Variants in PDE11A observed in about 807,000 individuals in gnomAD.
The protein encoded by PDE11A is phosphodiesterase 11A.
PDE11A carries 100 observed loss-of-function variants against 100.5 expected under a neutral mutation model. The ratio of observed to expected loss-of-function variants is 1.00; its 90% CI spans 0.85 to 1.18. The LOEUF is 1.18. Ranked by LOEUF, PDE11A falls within the 50% of genes most tolerant of loss-of-function variation. The probability of loss-of-function intolerance (pLI) is 0.00; values close to 1 mark genes in which losing one functional copy is unlikely to be tolerated. For missense variants in PDE11A, 1,141 were observed against 1,152.6 expected, an observed-to-expected ratio of 0.99 and a Z score of 0.15; for synonymous variants, 381 against 420.8, an observed-to-expected ratio of 0.91 and a Z score of 1.16.
At chr2:177,842,873 T>G (rs894435692) in intron 5 of PDE11A, among the ~76,000 whole-genome samples, 2 of 152,182 alleles carry the variant, frequency 1.3e-5, no homozygotes, top group Non-Finnish European at 2.9e-5. Flanking sequence ...GACATGTTCA[T>G]TTTTGAAAGT....
chr2:178,057,716 C>A (rs967344550), intron 1 of PDE11A, among the ~76,000 whole-genome samples: 24 of 152,150 alleles, frequency 1.6e-4, no homozygotes, highest in African/African-American at 5.6e-4. Flanking sequence ...ATTGCTTGAT[C>A]CCCTGAACCT....
At chr2:177,905,077 A>G in intron 3 of PDE11A, 21 bp downstream of exon 3, 1 of 1,322,478 alleles carries the variant, frequency 7.6e-7, no homozygotes, top group Non-Finnish European at 1.1e-6. Context: ...AGGAGTGTCA[A>G]CAATGTTTTT....
intron 2 of PDE11A, among the ~76,000 whole-genome samples, chr2:177,994,841 A>G (rs1226819077): frequency 6.6e-6 from 1 of 152,170 alleles, no homozygotes; most frequent in Non-Finnish European, 1.5e-5. Flanking sequence ...ATTCATTTCA[A>G]AAGCATAAGG....
chr2:178,025,316 C>T (rs759533816), intron 1 of PDE11A, among the ~76,000 whole-genome samples: 3 of 152,130 alleles, frequency 2.0e-5, no homozygotes, highest in Non-Finnish European at 2.9e-5. Context: ...TTATTTAAGT[C>T]TTTCAAATAG....
chr2:177,711,766 T>TA lies in PDE11A; in HGVS notation c.2153+2dup. The TA allele has an allele frequency of 6.8e-7, 1 of 1,473,302 alleles. No individual in the cohort carries two copies. The highest frequency in any genetic ancestry group is 9.5e-7 in the Non-Finnish European group (1 of 1,051,528). 91.3% of individuals were successfully genotyped at this position (1,473,302 alleles called of 1,614,324 possible). On this transcript the variant is annotated splice_region_variant and intron_variant, in intron 13 of 19. Transcript: ENST00000286063. The stretch of plus-strand genomic sequence containing the variant: ...TAAAATAACAACAGTTTAGAACACT[T>TA]ACTTAGCTTGGAAGGCATTGTTGGT...
At chr2:177,860,952 A>G (rs1021266927) in intron 5 of PDE11A, among the ~76,000 whole-genome samples, 1 of 151,874 alleles carries the variant, frequency 6.6e-6, no homozygotes, top group Admixed American at 6.6e-5. Flanking sequence ...AACTAATAAA[A>G]GGACACTTAA....
chr2:178,027,560 T>A (rs952531005), intron 1 of PDE11A, among the ~76,000 whole-genome samples: 6 of 152,164 alleles, frequency 3.9e-5, no homozygotes, highest in African/African-American at 1.4e-4. Flanking sequence ...AACCATAGCA[T>A]CCTATACTTT....
At chr2:177,665,863 A>C (rs1201889819) in intron 18 of PDE11A, among the ~76,000 whole-genome samples, 1 of 151,876 alleles carries the variant, frequency 6.6e-6, no homozygotes. Context: ...TCTCAAAAAA[A>C]AAAAAAAAAA....
At chr2:177,944,635 T>C (rs556835810) in intron 2 of PDE11A, among the ~76,000 whole-genome samples, 50 of 152,194 alleles carry the variant, frequency 3.3e-4, no homozygotes, top group Non-Finnish European at 6.9e-4. Flanking sequence ...TATAAATATA[T>C]CTCTACTTTA....
At chr2:178,064,635 A>G (rs547390290) in intron 1 of PDE11A, among the ~76,000 whole-genome samples, 1 of 149,608 alleles carries the variant, frequency 6.7e-6, no homozygotes, top group Admixed American at 6.7e-5. Flanking sequence ...GCTTCCCTCT[A>G]CCTTCTGTTA....
chr2:177,822,443 T>C (rs1457451337), intron 6 of PDE11A, among the ~76,000 whole-genome samples: 6 of 152,036 alleles, frequency 3.9e-5, no homozygotes, highest in Non-Finnish European at 5.9e-5. Context: ...TCTATTCCAT[T>C]GATCTAGGTA....
chr2:177,638,007 T>A (rs1218980734), intron 19 of PDE11A, among the ~76,000 whole-genome samples: 32 of 130,610 alleles, frequency 2.5e-4, no homozygotes, highest in African/African-American at 3.2e-4. Context: ...ATTTTTTTTT[T>A]TTTTTTTTTT....
intron 3 of PDE11A, among the ~76,000 whole-genome samples, chr2:177,904,617 C>T (rs879258856): frequency 6.8e-6 from 1 of 145,998 alleles, no homozygotes; most frequent in African/African-American, 2.6e-5. Flanking sequence ...TGCAGTGGTG[C>T]GATCTCCACT....
At chr2:177,998,439 G>A in intron 2 of PDE11A, 1 of 1,063,522 alleles carries the variant, frequency 9.4e-7, no homozygotes, top group African/African-American at 1.5e-5. Context: ...AAATTCTGCA[G>A]AGCCATCTGA....
upstream of PDE11A, among the ~76,000 whole-genome samples, chr2:178,075,168 G>A (rs550207002): frequency 1.3e-5 from 2 of 152,240 alleles, no homozygotes; most frequent in East Asian, 1.9e-4. Flanking sequence ...CTAGACATGA[G>A]GGGAAGAGGA....
chr2:177,705,361 T>C (rs2081263743), intron 13 of PDE11A, among the ~76,000 whole-genome samples: 1 of 152,128 alleles, frequency 6.6e-6, no homozygotes, highest in Non-Finnish European at 1.5e-5. Flanking sequence ...GTTGTGAAAA[T>C]ATGATTATAT....
chr2:177,675,506 C>T lies in PDE11A; in HGVS notation c.2436G>A (p.Met812Ile), dbSNP rs750723275. The T allele has an allele frequency of 6.2e-6, 10 of 1,613,304 alleles. No individual in the cohort carries two copies. The highest frequency in any genetic ancestry group is 8.5e-6 in the Non-Finnish European group (10 of 1,179,542). ...NHRDIFRSML[M>I]TACDLGAVTK... ...TCACGGCTCCAAGGTCACAGGCTGTCATTAACATTGATCTGAAAAACAGAA... is the reference window on the plus strand; with the variant it reads ...TCACGGCTCCAAGGTCACAGGCTGTTATTAACATTGATCTGAAAAACAGAA... Residue 812 changes from methionine (M) to isoleucine (I), a missense_variant, in exon 17 of 20, where the codon ATG becomes ATA. Physicochemically the swap from Met to Ile is conservative, Grantham distance 10. Transcript: ENST00000286063.
intron 15 of PDE11A, among the ~76,000 whole-genome samples, chr2:177,688,565 T>G (rs1184060688): frequency 6.8e-6 from 1 of 146,582 alleles, no homozygotes; most frequent in East Asian, 1.9e-4. Flanking sequence ...TTCTTTGTCA[T>G]GAGGAACTGT....
At chr2:178,020,635 T>C (rs896429437) in intron 1 of PDE11A, among the ~76,000 whole-genome samples, 3 of 151,868 alleles carry the variant, frequency 2.0e-5, no homozygotes, top group African/African-American at 7.3e-5. Flanking sequence ...CTACTAAAAA[T>C]ACAAAAATTA....
Sources: gnomAD v4.1 joint callset for allele counts (sites outside exome capture counted in the v4.1 genomes callset) on GRCh38, gnomAD v4.1.1 for gene constraint, MANE v1.5 for transcripts, NCBI Gene and HGNC (gene_info 2026-07-23, HGNC 2026-07-21) for gene names.